Variants in ANO5 observed in about 807,000 individuals in gnomAD.
ANO5 encodes anoctamin 5.
Under a neutral mutation model 121.0 loss-of-function variants are expected in ANO5, and 109 were observed. The observed-to-expected ratio is 0.90, with a 90% confidence interval of 0.77 to 1.06. The LOEUF (loss-of-function observed/expected upper bound fraction) is 1.06, where lower values mean the gene tolerates loss of function less well. Ranked by LOEUF, ANO5 falls within the 50% of genes least tolerant of loss-of-function variation. ANO5 has a pLI of 0.00. For missense variants in ANO5, 1,064 were observed against 1,078.5 expected (o/e 0.99, Z 0.19); for synonymous variants, 406 against 359.9 (o/e 1.13, Z -1.45).
chr11:22,221,902 A>T (rs1384541739), intron 5 of ANO5, among the ~76,000 whole-genome samples: 1 of 152,016 alleles, frequency 6.6e-6, no homozygotes, highest in Non-Finnish European at 1.5e-5. Context: ...AAAAATGAAG[A>T]TATTATTCCC....
At chr11:22,271,441 A>G (rs1161750907) in intron 18 of ANO5, among the ~76,000 whole-genome samples, 3 of 152,252 alleles carry the variant, frequency 2.0e-5, no homozygotes, top group African/African-American at 7.2e-5. Flanking sequence ...AGTGTAATAC[A>G]TTATGTGATA....
chr11:22,222,981 GAAGC>G (rs1195572744), intron 5 of ANO5, among the ~76,000 whole-genome samples: 1 of 151,980 alleles, frequency 6.6e-6, no homozygotes, highest in Non-Finnish European at 1.5e-5. Context: ...TGAGAAAACT[GAAGC>G]AAGAAGAGAA....
intron 17 of ANO5, among the ~76,000 whole-genome samples, chr11:22,264,324 C>T (rs1406597178): frequency 1.3e-5 from 2 of 151,896 alleles, no homozygotes; most frequent in Non-Finnish European, 2.9e-5. Context: ...CATGCCTGGC[C>T]CCCAAACTTT....
At chr11:22,272,012 G>A (rs60304026) in intron 18 of ANO5, among the ~76,000 whole-genome samples, 11,593 of 152,038 alleles carry the variant, frequency 0.076, 1,521 homozygotes, top group African/African-American at 0.27. Context: ...GAGGAATAAC[G>A]GAAATTTTTT....
intron 7 of ANO5, among the ~76,000 whole-genome samples, chr11:22,233,240 A>G (rs1398960505): frequency 1.3e-5 from 2 of 152,024 alleles, no homozygotes; most frequent in East Asian, 3.9e-4. Context: ...AAAAGTGATT[A>G]CTCCGAGAAA....
intron 12 of ANO5, 68 bp downstream of exon 12, chr11:22,251,079 A>T (rs1853800443): frequency 1.4e-6 from 2 of 1,413,712 alleles, no homozygotes; most frequent in East Asian, 4.7e-5. Context: ...TCCATATAAC[A>T]TATGACAGAT....
chr11:22,252,804 A>C (rs112127327), intron 12 of ANO5, among the ~76,000 whole-genome samples: 18,937 of 151,950 alleles, frequency 0.12, 3,345 homozygotes, highest in African/African-American at 0.39. Flanking sequence ...TAATGATTTC[A>C]TTTTATTTAT....
intron 3 of ANO5, among the ~76,000 whole-genome samples, chr11:22,212,334 G>C (rs1590225410): frequency 6.6e-6 from 1 of 151,742 alleles, no homozygotes; most frequent in East Asian, 1.9e-4. Flanking sequence ...TTTCTTCTTT[G>C]TCCTCTCAGT....
At chr11:22,220,575 A>G (rs1436799580) in intron 4 of ANO5, among the ~76,000 whole-genome samples, 1 of 152,042 alleles carries the variant, frequency 6.6e-6, no homozygotes, top group African/African-American at 2.4e-5. Context: ...CTAATAAGCT[A>G]CCTGCTTTAT....
chr11:22,229,079 C>A (rs1852947231), intron 7 of ANO5, among the ~76,000 whole-genome samples: 1 of 151,696 alleles, frequency 6.6e-6, no homozygotes, highest in Non-Finnish European at 1.5e-5. Flanking sequence ...ATGGCTATAC[C>A]AATTTGTATT....
intron 13 of ANO5, among the ~76,000 whole-genome samples, chr11:22,256,927 GCACA>G (rs1158579789): frequency 6.6e-5 from 10 of 152,090 alleles, no homozygotes; most frequent in Admixed American, 2.0e-4. Flanking sequence ...ATGCCTACAT[GCACA>G]CACATTCTGA....
In ANO5 at chr11:22,269,489, A is replaced by AC. The variant is rs1491408591; in HGVS notation, c.1899-823_1899-822insC. ...GGAGAAAAAAGAAAAGAAAGGAAAG[A>AC]AAAAAGAAAAGGAAGGAAAGAAAAA... is the stretch of plus-strand genomic sequence containing the variant. On this transcript the variant is annotated intron_variant, in intron 17 of 21. Coordinates refer to ENST00000324559, the MANE Select transcript of ANO5 (RefSeq NM_213599.3). Among the ~76,000 whole-genome samples, 6 of 5,084 alleles carry AC rather than the reference A, an allele frequency of 1.2e-3. No individual in the cohort carries two copies. The African/African-American group carries it at 0.016, about 13-fold the overall frequency. 3.3% of individuals were successfully genotyped at this position (5,084 alleles called of 152,430 possible). A position where few individuals can be genotyped will look rare whatever the true frequency, so the allele number is the denominator to read the frequency against.
intron 2 of ANO5, among the ~76,000 whole-genome samples, chr11:22,205,000 A>G (rs189888355): frequency 1.3e-5 from 2 of 152,270 alleles, no homozygotes; most frequent in East Asian, 3.9e-4. Context: ...TATATATCAT[A>G]AAATACTATG....
At chr11:22,260,193 C>T (rs1854147599) in intron 15 of ANO5, among the ~76,000 whole-genome samples, 1 of 152,084 alleles carries the variant, frequency 6.6e-6, no homozygotes, top group Non-Finnish European at 1.5e-5. Flanking sequence ...ACTGCTATCT[C>T]TTAGAATTTG....
intron 9 of ANO5, among the ~76,000 whole-genome samples, chr11:22,245,112 T>G (rs1471637442): frequency 2.6e-5 from 4 of 152,198 alleles, no homozygotes; most frequent in African/African-American, 9.6e-5. Context: ...TGCCTTGGGT[T>G]TCACAGTTTT....
intron 18 of ANO5, among the ~76,000 whole-genome samples, chr11:22,270,975 G>T (rs1024394142): frequency 6.6e-6 from 1 of 152,188 alleles, no homozygotes; most frequent in African/African-American, 2.4e-5. Context: ...GCAGCTTTCA[G>T]AGAGATTTTT....
chr11:22,227,887 G>C (rs1161324466), intron 7 of ANO5, among the ~76,000 whole-genome samples: 1 of 152,040 alleles, frequency 6.6e-6, no homozygotes, highest in East Asian at 1.9e-4. Flanking sequence ...GATTTTGTAA[G>C]ATCTTTGTAA....
intron 7 of ANO5, among the ~76,000 whole-genome samples, chr11:22,231,518 CAGT>C (rs1370200698): frequency 6.6e-6 from 1 of 151,822 alleles, no homozygotes; most frequent in Non-Finnish European, 1.5e-5. Flanking sequence ...CTTTTTGTGA[CAGT>C]AGATATTAAT....
chr11:22,271,104 G>A (rs1029096234), intron 18 of ANO5, among the ~76,000 whole-genome samples: 1 of 152,150 alleles, frequency 6.6e-6, no homozygotes, highest in Non-Finnish European at 1.5e-5. Flanking sequence ...TCAGGCTGGA[G>A]CGCAGCTGCC....
Sources: allele counts gnomAD v4.1 joint callset (sites outside exome capture counted in the v4.1 genomes callset), GRCh38; gene constraint gnomAD v4.1.1; transcripts MANE v1.5; gene names NCBI Gene and HGNC (gene_info 2026-07-23, HGNC 2026-07-21).